AUTS2: variants seen among roughly 807,000 people sequenced by gnomAD.
The protein encoded by AUTS2 is autism susceptibility gene 2 protein.
In AUTS2, 17 loss-of-function variants were observed where a neutral mutation model predicts 112.4. The ratio of observed to expected loss-of-function variants is 0.15; its 90% CI spans 0.10 to 0.23. The LOEUF is 0.23. AUTS2 is among the 10% of genes least tolerant of loss of function. The probability of loss-of-function intolerance (pLI) is 1.00; values close to 1 mark genes in which losing one functional copy is unlikely to be tolerated. For missense variants in AUTS2, 1,510 were observed against 1,701.6 expected (o/e 0.89, Z 1.98); for synonymous variants, 751 against 702.7 (o/e 1.07, Z -1.09).
chr7:69,964,296 T>C (rs180898456), intron 2 of AUTS2, among the ~76,000 whole-genome samples: 9 of 152,266 alleles, frequency 5.9e-5, no homozygotes, highest in African/African-American at 2.2e-4. Flanking sequence ...ATCACTGTAG[T>C]GTTTGATCCA....
At chr7:70,164,652 G>GGT (rs1358247074) in intron 4 of AUTS2, among the ~76,000 whole-genome samples, 1 of 152,026 alleles carries the variant, frequency 6.6e-6, no homozygotes, top group African/African-American at 2.4e-5. Flanking sequence ...TTTATCCTGT[G>GGT]GTGCATCAAC....
intron 4 of AUTS2, among the ~76,000 whole-genome samples, chr7:70,412,070 C>T (rs66539368): frequency 0.17 from 26,541 of 151,768 alleles, 2,558 homozygotes; most frequent in African/African-American, 0.25. Flanking sequence ...AATTTTTGTA[C>T]TTTCAGTGGA....
chr7:70,414,887 T>C (rs1482404475), intron 4 of AUTS2, among the ~76,000 whole-genome samples: 1 of 152,196 alleles, frequency 6.6e-6, no homozygotes, highest in Admixed American at 6.5e-5. Flanking sequence ...CTGTCTGATT[T>C]CTTTACAGCC....
chr7:70,567,622 T>G (rs1172764827), intron 5 of AUTS2, among the ~76,000 whole-genome samples: 1 of 152,216 alleles, frequency 6.6e-6, no homozygotes, highest in Non-Finnish European at 1.5e-5. Flanking sequence ...CATGTGACTT[T>G]TTAATTGGGC....
chr7:70,505,021 CAGAGATTTCA>C (rs1378899970), intron 5 of AUTS2, among the ~76,000 whole-genome samples: 1 of 152,162 alleles, frequency 6.6e-6, no homozygotes, highest in African/African-American at 2.4e-5. Context: ...ACTAAGCAAT[CAGAGATTTCA>C]AGAGAGGTAG....
intron 5 of AUTS2, among the ~76,000 whole-genome samples, chr7:70,619,756 A>G (rs2129536500): frequency 6.6e-6 from 1 of 152,190 alleles, no homozygotes; most frequent in African/African-American, 2.4e-5. Flanking sequence ...TTTTAAGTAG[A>G]AGAGAAGAGG....
chr7:70,279,600 A>G lies in AUTS2; in HGVS notation c.660+145029A>G, dbSNP rs1788106788. ...TTCGGTGTGACAGGAAATGGAGTTT[A>G]TTTAAAAGATTCTTTGTTTCTAGTA... On this transcript the variant is annotated intron_variant, in intron 4 of 18. Transcript: ENST00000342771. Among the ~76,000 whole-genome samples the G allele has an allele frequency of 1.3e-5, 2 of 152,204 alleles. 1 individual carries two copies. Among genetic ancestry groups the G allele is most frequent in the South Asian group, 4.1e-4 (2 of 4,832 alleles).
chr7:69,689,475 C>T (rs1985165), intron 1 of AUTS2, among the ~76,000 whole-genome samples: 91,387 of 148,382 alleles, frequency 0.62, 28,425 homozygotes, highest in East Asian at 0.7. Flanking sequence ...CTCAGCTTTC[C>T]GAGTAGCTGG....
rs1035421289 is a variant in AUTS2 at position 70,485,993 on chromosome 7, TA to T, written c.690+50215del. On this transcript the variant is annotated intron_variant, in intron 5 of 18. Transcript: ENST00000342771. ...GAAGAAAAAAACCTTAATTAAAAAA[TA>T]AATAAATAATAAATAAATAAATAAA... 1.7e-3 allele frequency among the ~76,000 whole-genome samples: 243 copies of T among 143,950 alleles called. 2 individuals carry two copies. Among genetic ancestry groups the T allele is most frequent in the African/African-American group, 6.2e-3 (236 of 38,214 alleles). The allele number at this position is 143,950 out of a possible 152,430, so 94.4% of individuals were successfully genotyped here. A position where few individuals can be genotyped will look rare whatever the true frequency, so the allele number is the denominator to read the frequency against.
At chr7:70,789,081 C>T (rs1791705134) in intron 18 of AUTS2, among the ~76,000 whole-genome samples, 1 of 152,218 alleles carries the variant, frequency 6.6e-6, no homozygotes, top group Admixed American at 6.5e-5. Flanking sequence ...TCCGTCTTCT[C>T]ATCAGACTTT....
chr7:70,225,697 T>G (rs971953483), intron 4 of AUTS2, among the ~76,000 whole-genome samples: 6 of 152,190 alleles, frequency 3.9e-5, no homozygotes, highest in Non-Finnish European at 8.8e-5. Flanking sequence ...CACTGATGAC[T>G]TATATAAATT....
chr7:70,142,197 GCCC>G (rs757718572), intron 4 of AUTS2, among the ~76,000 whole-genome samples: 1 of 152,196 alleles, frequency 6.6e-6, no homozygotes. Flanking sequence ...TGGGGAAATA[GCCC>G]TCAGCCGTTA....
intron 5 of AUTS2, among the ~76,000 whole-genome samples, chr7:70,528,854 G>GCC (rs1458345724): frequency 2.6e-5 from 4 of 151,656 alleles, no homozygotes; most frequent in African/African-American, 9.7e-5. Flanking sequence ...GGAACAGTGA[G>GCC]CCCCAGGGCA....
intron 4 of AUTS2, among the ~76,000 whole-genome samples, chr7:70,243,501 C>T (rs1812739107): frequency 6.6e-6 from 1 of 152,040 alleles, no homozygotes; most frequent in Non-Finnish European, 1.5e-5. Context: ...TGAGACATTT[C>T]AGTGTGCGGA....
chr7:70,473,905 A>G (rs908851728), intron 5 of AUTS2, among the ~76,000 whole-genome samples: 1 of 152,088 alleles, frequency 6.6e-6, no homozygotes, highest in African/African-American at 2.4e-5. Flanking sequence ...ACCAGATCAT[A>G]TATTTCATGG....
chr7:70,198,299 G>A (rs1220701318), intron 4 of AUTS2, among the ~76,000 whole-genome samples: 1 of 149,746 alleles, frequency 6.7e-6, no homozygotes, highest in Non-Finnish European at 1.5e-5. Flanking sequence ...CTCCTCCAAA[G>A]GAACGCAGTT....
At chr7:70,280,547 C>T (rs187444960) in intron 4 of AUTS2, among the ~76,000 whole-genome samples, 6 of 151,142 alleles carry the variant, frequency 4.0e-5, no homozygotes, top group Non-Finnish European at 5.9e-5. Context: ...CCACCTGCCT[C>T]GGCCTCGTAA....
In AUTS2 at chr7:70,787,296, C is replaced by T. The variant is rs780749241; in HGVS notation, c.2396C>T (p.Thr799Met). ...PHEPWNRLHR[T>M]PPSFPTPPPW... ...GAACCCTGGAACCGGCTGCACCGAA[C>T]GCCTCCGTCGTTCCCGACCCCTCCG... The change falls in exon 18 of 19, where the codon ACG becomes ATG. Residue 799 changes from threonine to methionine, a missense_variant. Physicochemically the swap from Thr to Met is moderately conservative, Grantham distance 81. Coordinates refer to ENST00000342771, the MANE Select transcript of AUTS2 (RefSeq NM_015570.4). 11 of 1,614,108 alleles carry T rather than the reference C, an allele frequency of 6.8e-6. No individual in the cohort carries two copies. Among genetic ancestry groups the T allele is most frequent in the South Asian group, 3.3e-5 (3 of 91,096 alleles).
chr7:69,980,270 T>G (rs1798242119), intron 2 of AUTS2, among the ~76,000 whole-genome samples: 1 of 152,162 alleles, frequency 6.6e-6, no homozygotes, highest in Non-Finnish European at 1.5e-5. Context: ...CTTTTAAAAC[T>G]TATTTTTCTC....
Sources: allele counts gnomAD v4.1 joint callset (sites outside exome capture counted in the v4.1 genomes callset), GRCh38; gene constraint gnomAD v4.1.1; transcripts MANE v1.5; gene names NCBI Gene and HGNC (gene_info 2026-07-23, HGNC 2026-07-21).